The following CNGA3 variants were observed in gnomAD, a reference collection of about 807,000 sequenced individuals.
The protein encoded by CNGA3 is cyclic nucleotide gated channel subunit alpha 3, also known as cyclic nucleotide-gated channel alpha-3.
CNGA3 carries 42 observed loss-of-function variants against 46.6 expected under a neutral mutation model. The observed-to-expected ratio is 0.90, with a 90% CI of 0.70 to 1.17. The LOEUF (loss-of-function observed/expected upper bound fraction) is 1.17, where lower values mean the gene tolerates loss of function less well. Among genes scored for constraint, CNGA3 ranks in the 50% most tolerant of loss-of-function variants. CNGA3 has a pLI of 0.00. For synonymous variants in CNGA3, 394 were observed against 369.4 expected (o/e 1.07, Z -0.76); for missense variants, 893 against 890.7 (o/e 1.00, Z -0.03).
At chr2:98,385,522 C>G (rs1692633120) in intron 5 of CNGA3, among the ~76,000 whole-genome samples, 1 of 152,140 alleles carries the variant, frequency 6.6e-6, no homozygotes, top group Non-Finnish European at 1.5e-5. Context: ...AACATGTTGA[C>G]AAATATACTT....
intron 3 of CNGA3, among the ~76,000 whole-genome samples, chr2:98,379,559 G>A (rs981889726): frequency 1.3e-5 from 2 of 152,206 alleles, no homozygotes; most frequent in African/African-American, 2.4e-5. Flanking sequence ...GGCAGGGCCG[G>A]GCTCCGGGAG....
intron 1 of CNGA3, among the ~76,000 whole-genome samples, chr2:98,355,247 C>T (rs1691855556): frequency 2.0e-5 from 3 of 152,150 alleles, no homozygotes; most frequent in South Asian, 2.1e-4. Context: ...ATCTGAGTTT[C>T]GAAGTGTCCT....
At chr2:98,376,859 G>A (rs2104194930) in intron 2 of CNGA3, among the ~76,000 whole-genome samples, 1 of 152,300 alleles carries the variant, frequency 6.6e-6, no homozygotes, top group Non-Finnish European at 1.5e-5. Context: ...TAAAAGAAAG[G>A]AAAATATTCC....
chr2:98,350,960 G>C (rs954659368), intron 1 of CNGA3: 1 of 152,186 alleles, frequency 6.6e-6, no homozygotes, highest in East Asian at 1.9e-4. Context: ...GAGGGACCTT[G>C]ATGGGTTTGG....
chr2:98,353,471 T>C (rs985354901), intron 1 of CNGA3, among the ~76,000 whole-genome samples: 5 of 152,216 alleles, frequency 3.3e-5, no homozygotes, highest in African/African-American at 1.2e-4. Context: ...AAGGACCTTT[T>C]ATAGCCATCC....
At chr2:98,362,806 T>A (rs1044001943) in intron 1 of CNGA3, among the ~76,000 whole-genome samples, 2 of 152,238 alleles carry the variant, frequency 1.3e-5, no homozygotes, top group African/African-American at 2.4e-5. Flanking sequence ...AAGTCTCTAA[T>A]CCATCTTGAG....
chr2:98,350,811 T>C (rs775596886), intron 1 of CNGA3: 3 of 152,286 alleles, frequency 2.0e-5, no homozygotes, highest in Middle Eastern at 6.8e-3. Flanking sequence ...GCAGCTGACA[T>C]TTGGAAGCTT....
intron 1 of CNGA3, among the ~76,000 whole-genome samples, chr2:98,347,585 C>T (rs901926413): frequency 1.3e-5 from 2 of 152,224 alleles, no homozygotes; most frequent in African/African-American, 2.4e-5. Context: ...GGCGCTGGAA[C>T]CTAGAGGACC....
At chr2:98,381,442 G>C (rs191709567) in intron 4 of CNGA3, among the ~76,000 whole-genome samples, 1 of 152,176 alleles carries the variant, frequency 6.6e-6, no homozygotes, top group African/African-American at 2.4e-5. Context: ...AGGGTTTCTG[G>C]TGTGTGAAGG....
chr2:98,367,014 G>A (rs370145972), intron 1 of CNGA3, among the ~76,000 whole-genome samples: 2 of 151,932 alleles, frequency 1.3e-5, no homozygotes, highest in East Asian at 1.9e-4. Context: ...GCCCTGTGCC[G>A]CTCCCAGGTG....
chr2:98,384,136 G>A (rs1692601474), intron 5 of CNGA3, among the ~76,000 whole-genome samples: 1 of 152,064 alleles, frequency 6.6e-6, no homozygotes, highest in Admixed American at 6.5e-5. Context: ...TGATCCACCC[G>A]CCTCGGCCTC....
Position 98,390,115 on chromosome 2 carries a change from G to T in CNGA3, c.566+341G>T, listed in dbSNP as rs369635696. The stretch of plus-strand genomic sequence containing the variant: ...TCTGAACATGCAGCAGGGTAGGGAG[G>T]CAGGGGCAAGCTGCTACTATTTTTT... On this transcript the variant is annotated intron_variant, in intron 6 of 7. Transcript: ENST00000272602. Among the ~76,000 whole-genome samples the T allele has an allele frequency of 2.6e-5, 4 of 151,860 alleles. No individual in the cohort carries two copies. The East Asian group carries it at 7.7e-4, about 29-fold the overall frequency.
rs1691624477 is a variant in CNGA3 at position 98,346,479 on chromosome 2, G to A, written c.-93G>A. The A allele has an allele frequency of 1.3e-5, 5 of 398,488 alleles. No individual in the cohort carries two copies. Among genetic ancestry groups the A allele is most frequent in the Non-Finnish European group, 2.2e-5 (5 of 226,086 alleles). The allele number at this position is 398,488 out of a possible 1,614,324, so 24.7% of individuals were successfully genotyped here. A position where few individuals can be genotyped will look rare whatever the true frequency, so the allele number is the denominator to read the frequency against. ...GCGGAACTGCGCCTAGGAGGCCGAGGGAGGAGGCGCTCCGCAGACCCTGGC... is the reference window on the plus strand; with the variant it reads ...GCGGAACTGCGCCTAGGAGGCCGAGAGAGGAGGCGCTCCGCAGACCCTGGC... On this transcript the variant is annotated 5_prime_UTR_variant, in exon 1 of 8. Coordinates refer to ENST00000272602, the MANE Select transcript of CNGA3 (RefSeq NM_001298.3).
In CNGA3 at chr2:98,391,919, T is replaced by C. The variant is rs1469996093; in HGVS notation, c.622T>C (p.Tyr208His). 5 of 1,614,200 alleles carry C rather than the reference T, an allele frequency of 3.1e-6. No individual in the cohort carries two copies. Among genetic ancestry groups the C allele is most frequent in the Non-Finnish European group, 4.2e-6 (5 of 1,180,028 alleles). The change falls in exon 7 of 8, where the codon TAC (tyrosine) becomes CAC (histidine). Residue 208 changes from tyrosine (Y) to histidine (H), a missense_variant. Tyr to His is a moderately conservative substitution (Grantham distance 83, BLOSUM62 2). Coordinates refer to ENST00000272602, the MANE Select transcript of CNGA3 (RefSeq NM_001298.3). ...EYLMLWLVLD[Y>H]SADVLYVLDV... ...CCTGATGCTGTGGCTGGTCCTGGAC[T>C]ACTCGGCAGATGTCCTGTATGTCTT...
intron 1 of CNGA3, among the ~76,000 whole-genome samples, chr2:98,367,185 CTT>C (rs558997785): frequency 7.4e-5 from 7 of 95,188 alleles, no homozygotes; most frequent in Admixed American, 2.6e-4. Context: ...TCTTTTTTTT[CTT>C]TTTTTTTTTT....
intron 6 of CNGA3, among the ~76,000 whole-genome samples, chr2:98,390,706 C>T (rs949053632): frequency 1.3e-5 from 2 of 151,984 alleles, no homozygotes; most frequent in African/African-American, 2.4e-5. Flanking sequence ...CTGCAAGCTG[C>T]AGGACAAGGA....
intron 2 of CNGA3, among the ~76,000 whole-genome samples, chr2:98,374,864 G>T (rs982126046): frequency 6.6e-6 from 1 of 152,280 alleles, no homozygotes; most frequent in Non-Finnish European, 1.5e-5. Flanking sequence ...CTTGCATCAT[G>T]TAAGGATCTC....
At chr2:98,366,954 G>A (rs1216616826) in intron 1 of CNGA3, among the ~76,000 whole-genome samples, 1 of 152,092 alleles carries the variant, frequency 6.6e-6, no homozygotes, top group African/African-American at 2.4e-5. Context: ...CCTGGGTAGG[G>A]TAGCACAATC....
chr2:98,357,708 C>T (rs911915786), intron 1 of CNGA3, among the ~76,000 whole-genome samples: 6 of 152,122 alleles, frequency 3.9e-5, no homozygotes, highest in African/African-American at 1.4e-4. Context: ...ATGGAAATTG[C>T]CTGAAATGGC....
Sources: gnomAD v4.1 joint callset for allele counts (sites outside exome capture counted in the v4.1 genomes callset) on GRCh38, gnomAD v4.1.1 for gene constraint, MANE v1.5 for transcripts, NCBI Gene and HGNC (gene_info 2026-07-23, HGNC 2026-07-21) for gene names.